Variants in VMP1 observed in about 807,000 individuals in gnomAD.
The protein encoded by VMP1 is vacuole membrane protein 1.
A neutral mutation model predicts 56.0 loss-of-function variants in VMP1; 11 were observed. That is an observed-to-expected ratio of 0.20 (90% CI 0.12 to 0.32). The LOEUF (loss-of-function observed/expected upper bound fraction) is 0.32. Ranked by LOEUF, VMP1 falls within the 10% of genes least tolerant of loss-of-function variation. The probability of loss-of-function intolerance (pLI) is 1.00; values close to 1 mark genes in which losing one functional copy is unlikely to be tolerated. For synonymous variants in VMP1, 149 were observed against 165.0 expected (o/e 0.90, Z 0.74); for missense variants, 296 against 490.3 (o/e 0.60, Z 3.74).
rs1248184274 is a variant in VMP1, at chr17:59,809,934, A to T, written c.795+1058A>T. On this transcript the variant is annotated intron_variant, in intron 8 of 11. Coordinates refer to ENST00000262291, the MANE Select transcript of VMP1 (RefSeq NM_030938.5). ...GCTTAAATCAGTAAGAATAAAAGAG[A>T]CAAAATCCATTCTTCCAATGAAGAA... 3.3e-5 allele frequency among the ~76,000 whole-genome samples: 5 copies of T among 152,142 alleles called. No homozygotes were observed. The East Asian group carries it at 9.6e-4, about 29-fold the overall frequency.
intron 1 of VMP1, among the ~76,000 whole-genome samples, chr17:59,720,196 T>G (rs2034339796): frequency 6.6e-6 from 1 of 152,258 alleles, no homozygotes; most frequent in Non-Finnish European, 1.5e-5. Context: ...GGAATCTCAC[T>G]GACATTGTAT....
At chr17:59,813,223 G>A (rs890152400) in intron 9 of VMP1, among the ~76,000 whole-genome samples, 1 of 152,074 alleles carries the variant, frequency 6.6e-6, no homozygotes, top group Non-Finnish European at 1.5e-5. Context: ...TTTAAATTAA[G>A]TATTTTGTTC....
At position 59,737,464 on chromosome 17, in the gene VMP1, G is replaced by A. The variant is rs1227158919; in HGVS notation, c.224G>A (p.Arg75His). The A allele has an allele frequency of 3.7e-6, 6 of 1,609,598 alleles. No homozygotes were observed. The highest frequency in any genetic ancestry group is 1.1e-5 in the South Asian group (1 of 89,936). The change falls in exon 4 of 12, where the codon CGT becomes CAT. Residue 75 changes from arginine to histidine, a missense_variant. Transcript: ENST00000262291. ...TATTTGTTTTTAAGATTATGGCATC[G>A]TCAAAGCATTGTGGTGTCTTTTTTA... is the stretch of plus-strand genomic sequence containing the variant. ...LKEWTSKLWH[R>H]QSIVVSFLLL...
chr17:59,740,670 A>G (rs2035194008), intron 5 of VMP1, among the ~76,000 whole-genome samples: 1 of 152,226 alleles, frequency 6.6e-6, no homozygotes, highest in African/African-American at 2.4e-5. Flanking sequence ...ATCCTAGGGA[A>G]TTAACTCATA....
At chr17:59,749,357 G>A (rs1433800614) in intron 5 of VMP1, among the ~76,000 whole-genome samples, 3 of 151,978 alleles carry the variant, frequency 2.0e-5, no homozygotes, top group Non-Finnish European at 4.4e-5. Context: ...CAAGATCTAA[G>A]TTATACAGAA....
intron 7 of VMP1, among the ~76,000 whole-genome samples, chr17:59,790,377 T>C (rs2144116944): frequency 6.6e-6 from 1 of 152,352 alleles, no homozygotes; most frequent in East Asian, 1.9e-4. Context: ...TCTGCATCAA[T>C]TAACTTATCC....
intron 1 of VMP1, among the ~76,000 whole-genome samples, chr17:59,718,919 A>C (rs905062922): frequency 3.3e-5 from 5 of 152,080 alleles, no homozygotes; most frequent in African/African-American, 4.8e-5. Context: ...TTTTCAGAGT[A>C]CACATTCTTT....
At chr17:59,747,902 A>G (rs1247349735) in intron 5 of VMP1, among the ~76,000 whole-genome samples, 2 of 151,624 alleles carry the variant, frequency 1.3e-5, no homozygotes, top group Non-Finnish European at 2.9e-5. Context: ...CTCTTAAAAA[A>G]AAAAGCCTTT....
chr17:59,755,965 G>C (rs1308707058), intron 5 of VMP1, among the ~76,000 whole-genome samples: 1 of 152,046 alleles, frequency 6.6e-6, no homozygotes, highest in Non-Finnish European at 1.5e-5. Flanking sequence ...TCGAACTCCT[G>C]GGCTCAAGTG....
intron 6 of VMP1, among the ~76,000 whole-genome samples, chr17:59,768,595 T>C (rs1363206887): frequency 1.3e-5 from 2 of 151,620 alleles, no homozygotes; most frequent in East Asian, 1.9e-4. Context: ...AGAGCAACTC[T>C]CCATCTCAAA....
At chr17:59,725,736 A>G (rs1434858159) in intron 1 of VMP1, among the ~76,000 whole-genome samples, 2 of 152,218 alleles carry the variant, frequency 1.3e-5, no homozygotes, top group Non-Finnish European at 2.9e-5. Flanking sequence ...AAAATAACTT[A>G]GTTCCCTGGG....
chr17:59,718,521 CTT>C (rs746535385), intron 1 of VMP1, among the ~76,000 whole-genome samples: 1 of 150,464 alleles, frequency 6.6e-6, no homozygotes, highest in Non-Finnish European at 1.5e-5. Flanking sequence ...TTTCCTTTCT[CTT>C]AACACGGTCT....
At chr17:59,798,911 G>T (rs2037542905) in intron 7 of VMP1, among the ~76,000 whole-genome samples, 1 of 152,032 alleles carries the variant, frequency 6.6e-6, no homozygotes, top group South Asian at 2.1e-4. Flanking sequence ...AAAAGAAAAA[G>T]CAAGATGTAA....
chr17:59,724,554 C>T (rs2034523204), intron 1 of VMP1, among the ~76,000 whole-genome samples: 1 of 152,144 alleles, frequency 6.6e-6, no homozygotes, highest in East Asian at 1.9e-4. Context: ...CACATGTAGT[C>T]CCAGCTACTT....
intron 10 of VMP1, among the ~76,000 whole-genome samples, chr17:59,823,266 A>G (rs1331521382): frequency 6.6e-6 from 1 of 151,774 alleles, no homozygotes; most frequent in Non-Finnish European, 1.5e-5. Context: ...GCTGGCCAAC[A>G]TGGTAAGACC....
At chr17:59,772,723 C>T (rs1238962245) in intron 6 of VMP1, among the ~76,000 whole-genome samples, 5 of 151,372 alleles carry the variant, frequency 3.3e-5, no homozygotes, top group African/African-American at 9.7e-5. Context: ...GAGCCGAGAT[C>T]GTGCCATTGC....
chr17:59,836,843 A>C (rs2038998486), intron 10 of VMP1, among the ~76,000 whole-genome samples: 1 of 152,070 alleles, frequency 6.6e-6, no homozygotes, highest in South Asian at 2.1e-4. Context: ...ATCTGATAAA[A>C]TATAATAGCA....
intron 10 of VMP1, among the ~76,000 whole-genome samples, chr17:59,823,369 C>T (rs542009834): frequency 2.0e-5 from 3 of 150,722 alleles, no homozygotes; most frequent in Non-Finnish European, 3.0e-5. Context: ...GAGAATTTCT[C>T]GAACCTGGGA....
chr17:59,800,129 A>G (rs1164414927), intron 7 of VMP1, among the ~76,000 whole-genome samples: 1 of 152,150 alleles, frequency 6.6e-6, no homozygotes, highest in African/African-American at 2.4e-5. Context: ...TGGGTAGAAA[A>G]TAGTTATTAA....
Sources: allele counts gnomAD v4.1 joint callset (sites outside exome capture counted in the v4.1 genomes callset), GRCh38; gene constraint gnomAD v4.1.1; transcripts MANE v1.5; gene names NCBI Gene and HGNC (gene_info 2026-07-23, HGNC 2026-07-21).